Variants in ECPAS observed in about 807,000 individuals in gnomAD.
The protein encoded by ECPAS is proteasome adapter and scaffold protein ECM29.
In ECPAS, 70 loss-of-function variants were observed where a neutral mutation model predicts 255.1. The ratio of observed to expected loss-of-function variants is 0.27; its 90% CI spans 0.23 to 0.33. The LOEUF is 0.33. Among genes scored for constraint, ECPAS ranks in the 10% least tolerant of loss-of-function variants. The pLI, the probability that ECPAS is intolerant of heterozygous loss-of-function variation, is 1.00. For missense variants in ECPAS, 1,817 were observed against 2,206.4 expected (o/e 0.82, Z 3.54); for synonymous variants, 784 against 775.0 (o/e 1.01, Z -0.19).
At chr9:111,467,238 G>T (rs560953359) in intron 2 of ECPAS, among the ~76,000 whole-genome samples, 1 of 152,124 alleles carries the variant, frequency 6.6e-6, no homozygotes, top group Non-Finnish European at 1.5e-5. Context: ...AAAAAGAAGA[G>T]ATGAGAAAAG....
At chr9:111,425,947 T>C (rs17795846) in intron 10 of ECPAS, 119 bp from the exon 11 acceptor site, 30,042 of 547,710 alleles carry the variant, frequency 0.055, 928 homozygotes, top group Non-Finnish European at 0.068. Flanking sequence ...TCAACATTAA[T>C]GCAGATACAC....
intron 24 of ECPAS, among the ~76,000 whole-genome samples, chr9:111,403,191 GAAAAAA>G (rs34002065): frequency 8.3e-6 from 1 of 120,862 alleles, no homozygotes; most frequent in Non-Finnish European, 1.7e-5. Flanking sequence ...CATCTCTACT[GAAAAAA>G]AAAAAAAAAA....
chr9:111,388,298 C>T (rs778218741), intron 31 of ECPAS, among the ~76,000 whole-genome samples: 4 of 150,214 alleles, frequency 2.7e-5, no homozygotes, highest in Non-Finnish European at 5.9e-5. Flanking sequence ...ATGACACTCA[C>T]GTCTCAAGGG....
intron 29 of ECPAS, among the ~76,000 whole-genome samples, chr9:111,391,548 T>C (rs191923282): frequency 0.012 from 1,836 of 148,670 alleles, 20 homozygotes; most frequent in Non-Finnish European, 0.018. Flanking sequence ...TCCACTGCAC[T>C]CCAGCCTAGG....
intron 3 of ECPAS, among the ~76,000 whole-genome samples, chr9:111,447,838 T>C (rs1186414223): frequency 6.6e-6 from 1 of 152,122 alleles, no homozygotes; most frequent in Non-Finnish European, 1.5e-5. Flanking sequence ...GATACATTTA[T>C]AATAATAAAT....
intron 25 of ECPAS, among the ~76,000 whole-genome samples, chr9:111,395,058 T>C (rs1222801166): frequency 1.3e-5 from 2 of 152,208 alleles, no homozygotes; most frequent in African/African-American, 2.4e-5. Flanking sequence ...ATTCTCACTT[T>C]AGTCGATCTA....
chr9:111,393,059 G>C (rs2131618376), intron 27 of ECPAS, among the ~76,000 whole-genome samples, 177 bp from the exon 28 acceptor site: 1 of 152,250 alleles, frequency 6.6e-6, no homozygotes. Flanking sequence ...AGGGGACATG[G>C]CACCACACAA....
Position 111,410,207 on chromosome 9 carries a change from A to G in ECPAS, c.2384T>C (p.Phe795Ser), listed in dbSNP as rs771208134. The G allele has an allele frequency of 1.9e-6, 3 of 1,609,118 alleles. No individual in the cohort carries two copies. The highest frequency in any genetic ancestry group is 2.7e-5 in the African/African-American group (2 of 74,724). ...IQSATETIGSFLDSTSPLLAI... is the reference protein window; with the variant it reads ...IQSATETIGSSLDSTSPLLAI... ...CAGGAGGGGTGATGTACTGTCCAAA[A>G]ATGAGCCTGTAAGCACATTTAGCCA... The change falls in exon 23 of 50, where the codon TTT (phenylalanine) becomes TCT (serine). Residue 795 changes from phenylalanine to serine, a missense_variant. By Grantham distance (155) the Phe-to-Ser change is radical. This residue lies in a region of ECPAS where 194 missense variants were observed against 152.8 expected (regional missense o/e 1.27). Coordinates refer to ENST00000684092, the MANE Select transcript of ECPAS (RefSeq NM_001364929.1).
chr9:111,362,008 G>C lies in ECPAS; in HGVS notation c.*22C>G. ...TCAACCCCCAATGAACATGGCACTT[G>C]TTTGTTTCTTCCCCTTCTAATTTAT... On this transcript the variant is annotated 3_prime_UTR_variant, in exon 50 of 50. Coordinates refer to ENST00000684092, the MANE Select transcript of ECPAS (RefSeq NM_001364929.1). 1 of 1,607,714 alleles carries C rather than the reference G, an allele frequency of 6.2e-7. No homozygotes were observed. Among genetic ancestry groups the C allele is most frequent in the Non-Finnish European group, 8.5e-7 (1 of 1,177,092 alleles).
At chr9:111,388,011 T>A (rs188614310) in intron 31 of ECPAS, among the ~76,000 whole-genome samples, 1 of 152,228 alleles carries the variant, frequency 6.6e-6, no homozygotes, top group South Asian at 2.1e-4. Flanking sequence ...TGAGTTTTAC[T>A]TTTTAAGCCT....
chr9:111,419,830 A>T (rs951089114), intron 16 of ECPAS, among the ~76,000 whole-genome samples, 187 bp downstream of exon 16: 1 of 149,906 alleles, frequency 6.7e-6, no homozygotes, highest in Admixed American at 6.7e-5. Context: ...TATACATGTA[A>T]TATTTATATT....
In ECPAS at chr9:111,472,960, G is replaced by C; in HGVS notation, c.-42C>G. On this transcript the variant is annotated 5_prime_UTR_variant, in exon 2 of 50. Transcript: ENST00000684092. ...ACAAAAATCCTCGGGATCACCAATG[G>C]TACGTTCATCCACTCGTACATATGC... 1 of 1,231,312 alleles carries C rather than the reference G, an allele frequency of 8.1e-7. No homozygotes were observed. The highest frequency in any genetic ancestry group is 1.0e-6 in the Non-Finnish European group (1 of 961,212). 76.3% of individuals were successfully genotyped at this position (1,231,312 alleles called of 1,614,324 possible). A position where few individuals can be genotyped will look rare whatever the true frequency, so the allele number is the denominator to read the frequency against.
Position 111,422,007 on chromosome 9 carries a change from A to G in ECPAS, c.1369T>C (p.Leu457=). ...PETRLAIQEA[L]SMMVGAYSTL... Reference sequence around the variant, plus strand: ...CTATACGCTCCAACCATCATAGATAAAGCTTCTTGAATAGCAAGTCGAGTC... The same window carrying G: ...CTATACGCTCCAACCATCATAGATAGAGCTTCTTGAATAGCAAGTCGAGTC... Residue 457 remains leucine (L), a synonymous_variant, in exon 15 of 50, where the codon TTA becomes CTA. Transcript: ENST00000684092. 2 of 1,613,780 alleles carry G rather than the reference A, an allele frequency of 1.2e-6. No homozygotes were observed. Among genetic ancestry groups the G allele is most frequent in the South Asian group, 2.2e-5 (2 of 91,076 alleles).
Position 111,373,978 on chromosome 9 carries a change from A to G in ECPAS, c.4171T>C (p.Tyr1391His), listed in dbSNP as rs576529640. Residue 1391 changes from tyrosine (Y) to histidine (H), a missense_variant, in exon 39 of 50, where the codon TAC (tyrosine) becomes CAC (histidine). This residue lies in a region of ECPAS where 960 missense variants were observed against 1,179.0 expected (regional missense o/e 0.81). Coordinates refer to ENST00000684092, the MANE Select transcript of ECPAS (RefSeq NM_001364929.1). ...CATCCCTTGACAAACTCACCTGAGT[A>G]AGGTGTTAGGTCCTGAGGACACTGA... ...TTQCPQDLTPYSGKLMSALLS... is the reference protein window; with the variant it reads ...TTQCPQDLTPHSGKLMSALLS... 1 of 1,610,912 alleles carries G rather than the reference A, an allele frequency of 6.2e-7. No individual in the cohort carries two copies. The highest frequency in any genetic ancestry group is 1.1e-5 in the South Asian group (1 of 91,006).
Position 111,414,598 on chromosome 9 carries a change from G to C in ECPAS, c.1818C>G (p.Thr606=). ...CCTGCATATCAGCCAAACTCTGAGA[G>C]GTGGGCACCACCCCCGCACTGTGCG... ...CLAHSAGVVP[T]SQSLADMQDH... The change falls in exon 19 of 50, where the codon ACC becomes ACG. Residue 606 remains threonine (T), a synonymous_variant. Coordinates refer to ENST00000684092, the MANE Select transcript of ECPAS (RefSeq NM_001364929.1). 1 of 1,613,952 alleles carries C rather than the reference G, an allele frequency of 6.2e-7. No homozygotes were observed. The highest frequency in any genetic ancestry group is 8.5e-7 in the Non-Finnish European group (1 of 1,179,890).
At chr9:111,397,223 G>A in intron 24 of ECPAS, 70 bp from the exon 25 acceptor site, 1 of 1,583,172 alleles carries the variant, frequency 6.3e-7, no homozygotes. Context: ...TCTACAGAAA[G>A]CCTGCTTAAA....
In ECPAS at chr9:111,362,738, G is replaced by T. The variant is rs186441857; in HGVS notation, c.5381-569C>A. On this transcript the variant is annotated intron_variant, in intron 49 of 49. Transcript: ENST00000684092. ...TCACTTCCTAGCAATGTGGCTTCAG[G>T]CAAGTTTAGCTTGCCTTCAGCCTTA... Among the ~76,000 whole-genome samples the T allele has an allele frequency of 6.6e-5, 10 of 152,198 alleles. No homozygotes were observed. In the East Asian group the frequency reaches 1.9e-3, roughly 29 times the overall value.
chr9:111,419,833 T>C (rs1199466662), intron 16 of ECPAS, among the ~76,000 whole-genome samples, 184 bp downstream of exon 16: 1 of 149,928 alleles, frequency 6.7e-6, no homozygotes, highest in Non-Finnish European at 1.5e-5. Flanking sequence ...ACATGTAATA[T>C]TTATATTACT....
chr9:111,366,469 T>C (rs929338217), intron 47 of ECPAS, 53 bp downstream of exon 47: 4 of 1,412,414 alleles, frequency 2.8e-6, no homozygotes, highest in East Asian at 2.3e-5. Flanking sequence ...TGATTATACA[T>C]AAAATGCTGC....
Sources: allele counts gnomAD v4.1 joint callset (sites outside exome capture counted in the v4.1 genomes callset), GRCh38; gene constraint gnomAD v4.1.1; regional missense constraint gnomAD v4.1.1; transcripts MANE v1.5; gene names NCBI Gene and HGNC (gene_info 2026-07-23, HGNC 2026-07-21).